The following SEMA5B variants were observed in gnomAD, a reference collection of about 807,000 sequenced individuals.
SEMA5B encodes the protein semaphorin-5B.
SEMA5B carries 66 observed loss-of-function variants against 135.0 expected under a neutral mutation model. The observed-to-expected ratio is 0.49, with a 90% CI of 0.40 to 0.60. SEMA5B has a LOEUF of 0.60. Ranked by LOEUF, SEMA5B falls within the 20% of genes least tolerant of loss-of-function variation. SEMA5B has a pLI of 0.00. For missense variants in SEMA5B, 1,501 were observed against 1,566.3 expected (o/e 0.96, Z 0.70); for synonymous variants, 690 against 639.5 (o/e 1.08, Z -1.19).
In SEMA5B at chr3:122,910,041, G is replaced by T; in HGVS notation, c.*102C>A. On this transcript the variant is annotated 3_prime_UTR_variant, in exon 23 of 23. Transcript: ENST00000357599. The stretch of plus-strand genomic sequence containing the variant: ...CCCACAGGCAAGGCAGCAAGTTCTT[G>T]GCCTAGTGCAGAGGGAGAAAACCAA... 2 of 1,250,854 alleles carry T rather than the reference G, an allele frequency of 1.6e-6. No individual in the cohort carries two copies. The highest frequency in any genetic ancestry group is 2.2e-6 in the Non-Finnish European group (2 of 903,804). The allele number at this position is 1,250,854 out of a possible 1,614,324, so 77.5% of individuals were successfully genotyped here. A position where few individuals can be genotyped will look rare whatever the true frequency, so the allele number is the denominator to read the frequency against.
intron 3 of SEMA5B, among the ~76,000 whole-genome samples, chr3:122,948,017 T>G (rs544408300): frequency 6.6e-6 from 1 of 152,302 alleles, no homozygotes; most frequent in South Asian, 2.1e-4. Flanking sequence ...GGAAACACTT[T>G]CATAGGACTT....
At chr3:123,005,556 G>T (rs1344915463) in intron 1 of SEMA5B, among the ~76,000 whole-genome samples, 1 of 152,124 alleles carries the variant, frequency 6.6e-6, no homozygotes, top group Non-Finnish European at 1.5e-5. Flanking sequence ...GAGAGATAGG[G>T]TCTTGCTATG....
At chr3:122,935,411 G>A (rs967417599) in intron 5 of SEMA5B, among the ~76,000 whole-genome samples, 1 of 152,128 alleles carries the variant, frequency 6.6e-6, no homozygotes, top group Non-Finnish European at 1.5e-5. Flanking sequence ...CTTTCTAGTT[G>A]AATCTTTGGA....
At chr3:122,927,765 A>G (rs761561128) in intron 8 of SEMA5B, 25 bp downstream of exon 8, 4 of 1,390,882 alleles carry the variant, frequency 2.9e-6, no homozygotes, top group Non-Finnish European at 3.8e-6. Context: ...GGGAGTCCCC[A>G]CCCCTGGCAC....
In SEMA5B at chr3:122,982,093, C is replaced by T. The variant is rs749326415; in HGVS notation, c.-38-20792G>A. 8.5e-4 allele frequency among the ~76,000 whole-genome samples: 129 copies of T among 152,206 alleles called. 1 individual carries two copies. The highest frequency in any genetic ancestry group is 1.3e-3 in the Non-Finnish European group (86 of 68,044). On this transcript the variant is annotated intron_variant, in intron 1 of 22. Coordinates refer to ENST00000357599, the MANE Select transcript of SEMA5B (RefSeq NM_001031702.4). ...CAATGCTTTAGAGCAGAGACCCACA[C>T]TCCTTTTAGCCACAGGTAGGACAAG... is the stretch of plus-strand genomic sequence containing the variant.
intron 1 of SEMA5B, among the ~76,000 whole-genome samples, chr3:123,006,658 A>G (rs1287489313): frequency 6.6e-6 from 1 of 152,186 alleles, no homozygotes; most frequent in African/African-American, 2.4e-5. Context: ...ACAGGCACTC[A>G]GGAGGCTGAG....
At chr3:122,936,919 A>G (rs1374842298) in intron 5 of SEMA5B, among the ~76,000 whole-genome samples, 1 of 152,240 alleles carries the variant, frequency 6.6e-6, no homozygotes, top group Non-Finnish European at 1.5e-5. Context: ...ATTGTTTAAT[A>G]GGGGTTAGGT....
chr3:122,956,800 T>C (rs1329833730), intron 2 of SEMA5B, among the ~76,000 whole-genome samples: 1 of 151,786 alleles, frequency 6.6e-6, no homozygotes, highest in Admixed American at 6.6e-5. Context: ...GACAGATGCA[T>C]GGGTAGAGCA....
chr3:122,928,112 C>G, intron 7 of SEMA5B, 109 bp from the exon 8 acceptor site: 1 of 724,706 alleles, frequency 1.4e-6, no homozygotes, highest in Non-Finnish European at 2.1e-6. Context: ...TGGGCCTCTC[C>G]CCTCCTCCAG....
chr3:122,921,867 C>A, intron 12 of SEMA5B, 48 bp downstream of exon 12: 1 of 1,459,598 alleles, frequency 6.9e-7, no homozygotes. Flanking sequence ...GCCTCTTAAG[C>A]GCCTCCTCCG....
At chr3:122,915,971 C>G in intron 12 of SEMA5B, 81 bp from the exon 13 acceptor site, 2 of 955,002 alleles carry the variant, frequency 2.1e-6, no homozygotes, top group Non-Finnish European at 3.4e-6. Flanking sequence ...TGAACACTCC[C>G]CTCTGTGCAC....
At chr3:122,982,727 T>C (rs1941560386) in intron 1 of SEMA5B, among the ~76,000 whole-genome samples, 1 of 151,678 alleles carries the variant, frequency 6.6e-6, no homozygotes, top group South Asian at 2.1e-4. Context: ...GTAAACACAC[T>C]TAGAGTCCCA....
intron 1 of SEMA5B, among the ~76,000 whole-genome samples, chr3:122,973,662 G>A (rs979261889): frequency 2.0e-5 from 3 of 152,146 alleles, no homozygotes; most frequent in Non-Finnish European, 4.4e-5. Context: ...AGTGTCTGGG[G>A]TCTGTGTTGG....
In SEMA5B at chr3:122,915,637, G is replaced by A; in HGVS notation, c.1807-16C>T. 8 of 1,606,992 alleles carry A rather than the reference G, an allele frequency of 5.0e-6. No homozygotes were observed. Among genetic ancestry groups the A allele is most frequent in the Non-Finnish European group, 6.8e-6 (8 of 1,174,878 alleles). On this transcript the variant is annotated splice_polypyrimidine_tract_variant and intron_variant, in intron 13 of 22. Coordinates refer to ENST00000357599, the MANE Select transcript of SEMA5B (RefSeq NM_001031702.4). Reference sequence around the variant, plus strand: ...CATTCCGCACCTGAAGACACACATGGGAGACAGTACCCCTATTACCCAAGC... The same window carrying A: ...CATTCCGCACCTGAAGACACACATGAGAGACAGTACCCCTATTACCCAAGC...
At chr3:122,993,979 T>TC (rs771196158) in intron 1 of SEMA5B, among the ~76,000 whole-genome samples, 1 of 151,856 alleles carries the variant, frequency 6.6e-6, no homozygotes, top group South Asian at 2.1e-4. Context: ...ACACCCATTC[T>TC]CCATAAGCCT....
At chr3:123,026,301 C>T (rs1191633043) in intron 1 of SEMA5B, among the ~76,000 whole-genome samples, 1 of 152,192 alleles carries the variant, frequency 6.6e-6, no homozygotes, top group East Asian at 1.9e-4. Flanking sequence ...TCCTGCTGCT[C>T]TCACCCCGCC....
chr3:122,910,907 G>C lies in SEMA5B; in HGVS notation c.3230C>G (p.Pro1077Arg). Residue 1077 changes from proline to arginine, a missense_variant, in exon 22 of 23, where the codon CCC becomes CGC. Coordinates refer to ENST00000357599, the MANE Select transcript of SEMA5B (RefSeq NM_001031702.4). ...TCCGCCCTTGTAGTGCAAATGGTTGGGGGTGGCAGGATGGACCAGTGTGGA... is the reference window on the plus strand; with the variant it reads ...TCCGCCCTTGTAGTGCAAATGGTTGCGGGTGGCAGGATGGACCAGTGTGGA... The part of the protein sequence containing the change: ...QESTLVHPAT[P>R]NHLHYKGGGT... The C allele has an allele frequency of 6.2e-7, 1 of 1,613,770 alleles. No individual in the cohort carries two copies. Among genetic ancestry groups the C allele is most frequent in the South Asian group, 1.1e-5 (1 of 91,050 alleles).
chr3:123,003,719 A>G (rs1942237668), intron 1 of SEMA5B, among the ~76,000 whole-genome samples: 1 of 152,228 alleles, frequency 6.6e-6, no homozygotes, highest in Non-Finnish European at 1.5e-5. Flanking sequence ...CTGTAATGCC[A>G]GCCACTCAGG....
chr3:123,013,959 G>A (rs1442056209), intron 1 of SEMA5B, among the ~76,000 whole-genome samples: 1 of 152,250 alleles, frequency 6.6e-6, no homozygotes, highest in Non-Finnish European at 1.5e-5. Context: ...GGAAGGAAAC[G>A]GTGAGAGGAG....
Sources: gnomAD v4.1 joint callset for allele counts (sites outside exome capture counted in the v4.1 genomes callset) on GRCh38, gnomAD v4.1.1 for gene constraint, MANE v1.5 for transcripts, NCBI Gene and HGNC (gene_info 2026-07-23, HGNC 2026-07-21) for gene names.